ZNF791: variants seen among roughly 807,000 people sequenced by gnomAD.
ZNF791 encodes the protein zinc finger protein 791.
Under a neutral mutation model 11.5 loss-of-function variants are expected in ZNF791, and 4 were observed. The observed-to-expected ratio is 0.35, with a 90% CI of 0.17 to 0.80. ZNF791 has a LOEUF of 0.80. Among genes scored for constraint, ZNF791 ranks in the 30% least tolerant of loss-of-function variants. The pLI, the probability that ZNF791 is intolerant of heterozygous loss-of-function variation, is 0.53. For missense variants in ZNF791, 559 were observed against 699.4 expected, an observed-to-expected ratio of 0.80 and a Z score of 2.26; for synonymous variants, 212 against 228.1, an observed-to-expected ratio of 0.93 and a Z score of 0.64.
At position 12,628,323 on chromosome 19, in the gene ZNF791, C is replaced by A; in HGVS notation, c.794C>A (p.Thr265Lys). The change falls in exon 4 of 4, where the codon ACA (threonine) becomes AAA (lysine). Residue 265 changes from threonine to lysine, a missense_variant. By Grantham distance (78) the Thr-to-Lys change is moderately conservative. Transcript: ENST00000343325. ...ACAAGTGTTCTAACACACATGATAACACACAACGGAGATAGACCTTATAAA... is the reference window on the plus strand; with the variant it reads ...ACAAGTGTTCTAACACACATGATAAAACACAACGGAGATAGACCTTATAAA... Reference protein sequence around the residue: ...SHTSVLTHMITHNGDRPYKCK... With the variant: ...SHTSVLTHMIKHNGDRPYKCK... 1.2e-6 allele frequency: 2 copies of A among 1,612,904 alleles called. No homozygotes were observed. The highest frequency in any genetic ancestry group is 1.7e-6 in the Non-Finnish European group (2 of 1,179,602).
At position 12,632,467 on chromosome 19, in the gene ZNF791, C is replaced by T. The variant is rs111272236; in HGVS notation, c.*3207C>T. On this transcript the variant is annotated 3_prime_UTR_variant, in exon 4 of 4. Coordinates refer to ENST00000343325, the MANE Select transcript of ZNF791 (RefSeq NM_153358.3). ...ATTACCCATTATATATTTATTTCAC[C>T]TTTTCCGAAAAACTGCTTTTTAAAT... is the stretch of plus-strand genomic sequence containing the variant. 104 of 152,052 alleles carry T rather than the reference C, an allele frequency of 6.8e-4. No individual in the cohort carries two copies. Among genetic ancestry groups the T allele is most frequent in the African/African-American group, 2.5e-3 (102 of 41,488 alleles). 9.4% of individuals were successfully genotyped at this position (152,052 alleles called of 1,614,324 possible). A position where few individuals can be genotyped will look rare whatever the true frequency, so the allele number is the denominator to read the frequency against.
In ZNF791 at chr19:12,628,708, C is replaced by G. The variant is rs746370423; in HGVS notation, c.1179C>G (p.Phe393Leu). ...AATGTAAAAAATGTGGGAAAACTTT[C>G]AATTATCCTCTAGATTTGAAAATCC... Reference protein sequence around the residue: ...PYECKKCGKTFNYPLDLKIHK... With the variant: ...PYECKKCGKTLNYPLDLKIHK... The change falls in exon 4 of 4, where the codon TTC becomes TTG. Residue 393 changes from phenylalanine (F) to leucine (L), a missense_variant. Phe to Leu is a conservative substitution (Grantham distance 22, BLOSUM62 0). Coordinates refer to ENST00000343325, the MANE Select transcript of ZNF791 (RefSeq NM_153358.3). 1.1e-5 allele frequency: 18 copies of G among 1,596,238 alleles called. No homozygotes were observed. Among genetic ancestry groups the G allele is most frequent in the Non-Finnish European group, 1.5e-5 (18 of 1,172,512 alleles).
intron 1 of ZNF791, among the ~76,000 whole-genome samples, chr19:12,620,629 C>A (rs961649844): frequency 6.6e-6 from 1 of 152,162 alleles, no homozygotes; most frequent in Admixed American, 6.5e-5. Context: ...CCCCTTCTAA[C>A]TGTGTGGATC....
rs1433262475 is a variant in ZNF791, at chr19:12,624,693, C to A, written c.174C>A (p.Asn58Lys). 1 of 1,607,482 alleles carries A rather than the reference C, an allele frequency of 6.2e-7. No homozygotes were observed. Among genetic ancestry groups the A allele is most frequent in the Non-Finnish European group, 8.5e-7 (1 of 1,176,474 alleles). Residue 58 changes from asparagine (N) to lysine (K), a missense_variant, in exon 3 of 4, where the codon AAC (asparagine) becomes AAA (lysine). Transcript: ENST00000343325. ...CGAATGTTGAAGATCAACACAAAAA[C>A]CAAGGACGAAATCTAAGGTGAGTTG... ...EDPNVEDQHK[N>K]QGRNLRSHTG...
At chr19:12,623,978 C>T in intron 2 of ZNF791, 152 bp downstream of exon 2, 3 of 714,244 alleles carry the variant, frequency 4.2e-6, no homozygotes, top group Middle Eastern at 4.1e-4. Context: ...ACCTCAGCCT[C>T]CCGAGTAGCT....
At chr19:12,627,180 CA>C (rs1299929880) in intron 3 of ZNF791, among the ~76,000 whole-genome samples, 1 of 130,072 alleles carries the variant, frequency 7.7e-6, no homozygotes, top group African/African-American at 2.9e-5. Context: ...GACTCTGTCT[CA>C]AAATGAAACC....
At position 12,628,960 on chromosome 19, in the gene ZNF791, T is replaced by C. The variant is rs2023465807; in HGVS notation, c.1431T>C (p.Phe477=). The C allele has an allele frequency of 6.2e-7, 1 of 1,613,992 alleles. No homozygotes were observed. Among genetic ancestry groups the C allele is most frequent in the Non-Finnish European group, 8.5e-7 (1 of 1,179,978 alleles). ...PYECKQCGKA[F]SCSSYIRIHK... is the part of the protein sequence containing the mutation. ...AATGTAAACAATGTGGAAAAGCCTT[T>C]AGTTGTTCTAGTTACATTCGGATAC... Residue 477 remains phenylalanine, a synonymous_variant, in exon 4 of 4, where the codon TTT becomes TTC. Transcript: ENST00000343325.
At chr19:12,623,098 CAAGAAAT>C (rs1359168547) in intron 1 of ZNF791, among the ~76,000 whole-genome samples, 3 of 151,984 alleles carry the variant, frequency 2.0e-5, no homozygotes, top group Non-Finnish European at 4.4e-5. Flanking sequence ...AACAAACAAA[CAAGAAAT>C]AAGAATTTAT....
chr19:12,620,754 CTTTTTTTTTTTT>C lies in ZNF791; in HGVS notation c.4-2933_4-2922del, dbSNP rs1051381342. On this transcript the variant is annotated intron_variant, in intron 1 of 3. Transcript: ENST00000343325. The stretch of plus-strand genomic sequence containing the variant: ...AAACTGGAGAAAGGGGATTTATGTT[CTTTTTTTTTTTT>C]TTTTTTTTTTTTGAGATAGAGTCTC... 8.4e-5 allele frequency among the ~76,000 whole-genome samples: 7 copies of C among 83,452 alleles called. No individual in the cohort carries two copies. In the South Asian group the frequency reaches 1.7e-3, roughly 21 times the overall value. 54.7% of individuals were successfully genotyped at this position (83,452 alleles called of 152,430 possible). A position where few individuals can be genotyped will look rare whatever the true frequency, so the allele number is the denominator to read the frequency against.
chr19:12,611,057 C>T lies in ZNF791; in HGVS notation c.-23C>T, dbSNP rs2023147850. Reference sequence around the variant, plus strand: ...GCTCCGTGAACCTTAGGGACAACACCGGGACACCCGCGAGGCCGGAAAATG... The same window carrying T: ...GCTCCGTGAACCTTAGGGACAACACTGGGACACCCGCGAGGCCGGAAAATG... On this transcript the variant is annotated 5_prime_UTR_variant, in exon 1 of 4. Coordinates refer to ENST00000343325, the MANE Select transcript of ZNF791 (RefSeq NM_153358.3). The T allele has an allele frequency of 1.2e-6, 2 of 1,614,038 alleles. No homozygotes were observed. Among genetic ancestry groups the T allele is most frequent in the Admixed American group, 1.7e-5 (1 of 59,994 alleles).
intron 1 of ZNF791, among the ~76,000 whole-genome samples, chr19:12,620,114 A>G (rs1481179070): frequency 2.0e-5 from 3 of 151,560 alleles, no homozygotes; most frequent in Non-Finnish European, 2.9e-5. Flanking sequence ...TAGTAGAGCC[A>G]GGATGGTCTC....
Position 12,629,490 on chromosome 19 carries a change from C to A in ZNF791, c.*230C>A. The A allele has an allele frequency of 2.8e-6, 1 of 357,776 alleles. No homozygotes were observed. Among genetic ancestry groups the A allele is most frequent in the East Asian group, 4.2e-5 (1 of 23,718 alleles). The allele number at this position is 357,776 out of a possible 1,614,324, so 22.2% of individuals were successfully genotyped here. On this transcript the variant is annotated 3_prime_UTR_variant, in exon 4 of 4. Transcript: ENST00000343325. The stretch of plus-strand genomic sequence containing the variant: ...TATATAACACCTAAAACATTTCTAT[C>A]AACCGCAATTTAGTAGCAGTAGTAA...
rs1477077692 is a variant in ZNF791, at chr19:12,611,064, C to T, written c.-16C>T. 24 of 1,614,046 alleles carry T rather than the reference C, an allele frequency of 1.5e-5. No individual in the cohort carries two copies. Among genetic ancestry groups the T allele is most frequent in the Non-Finnish European group, 2.0e-5 (24 of 1,180,038 alleles). ...GAACCTTAGGGACAACACCGGGACA[C>T]CCGCGAGGCCGGAAAATGGTGAGTG... On this transcript the variant is annotated 5_prime_UTR_variant, in exon 1 of 4. Transcript: ENST00000343325.
At position 12,628,681 on chromosome 19, in the gene ZNF791, C is replaced by T. The variant is rs182973227; in HGVS notation, c.1152C>T (p.Tyr384=). The change falls in exon 4 of 4, where the codon TAC becomes TAT. Residue 384 remains tyrosine (Y), a synonymous_variant. Transcript: ENST00000343325. ...HERTHTGEKP[Y]ECKKCGKTFN... ...GGACTCACACTGGAGAGAAACCCTA[C>T]GAATGTAAAAAATGTGGGAAAACTT... is the stretch of plus-strand genomic sequence containing the variant. 2.0e-5 allele frequency: 32 copies of T among 1,576,680 alleles called. No homozygotes were observed. The East Asian group carries it at 2.6e-4, about 13-fold the overall frequency.
chr19:12,615,835 G>A (rs912289936), intron 1 of ZNF791, among the ~76,000 whole-genome samples: 25 of 151,518 alleles, frequency 1.6e-4, no homozygotes, highest in Admixed American at 1.3e-3. Flanking sequence ...TAAACCTGTT[G>A]CATGATGTCT....
chr19:12,612,484 C>A (rs957848066), intron 1 of ZNF791: 2 of 150,628 alleles, frequency 1.3e-5, no homozygotes, highest in African/African-American at 4.9e-5. Context: ...GCTTTCTCGC[C>A]AGGCTGGAGT....
intron 1 of ZNF791, among the ~76,000 whole-genome samples, chr19:12,622,893 CAAA>C (rs34772341): frequency 7.5e-5 from 7 of 93,724 alleles, no homozygotes; most frequent in Admixed American, 2.5e-4. Context: ...GACTCCGTCT[CAAA>C]AAAAAAAAAA....
chr19:12,619,643 G>A (rs1290919226), intron 1 of ZNF791, among the ~76,000 whole-genome samples: 8 of 151,452 alleles, frequency 5.3e-5, no homozygotes, highest in Non-Finnish European at 1.0e-4. Flanking sequence ...TAGAGACGGG[G>A]TTTCACTGTG....
chr19:12,612,406 C>T (rs569855711), intron 1 of ZNF791: 3 of 123,768 alleles, frequency 2.4e-5, no homozygotes, highest in East Asian at 4.0e-4. Context: ...TTCTTGCTTC[C>T]TTCCTTTATT....
Sources: allele counts gnomAD v4.1 joint callset (sites outside exome capture counted in the v4.1 genomes callset), GRCh38; gene constraint gnomAD v4.1.1; transcripts MANE v1.5; gene names NCBI Gene and HGNC (gene_info 2026-07-23, HGNC 2026-07-21).